Variants in ARL13A observed in about 807,000 individuals in gnomAD.
ARL13A encodes the protein ADP-ribosylation factor-like protein 13A.
A neutral mutation model predicts 19.1 loss-of-function variants in ARL13A; 16 were observed. The ratio of observed to expected loss-of-function variants is 0.84; its 90% confidence interval spans 0.57 to 1.27. The LOEUF is 1.27. ARL13A is among the 50% of genes most tolerant of loss of function. The pLI is 0.00. For synonymous variants in ARL13A, 69 were observed against 71.3 expected (o/e 0.97, Z 0.17); for missense variants, 153 against 186.4 (o/e 0.82, Z 1.04).
At chrX:100,982,399 G>A (rs985133965) in intron 3 of ARL13A, among the ~76,000 whole-genome samples, 3 of 110,668 alleles carry the variant, frequency 2.7e-5, no homozygotes, top group Non-Finnish European at 5.7e-5. Context: ...GGCTGAGGTA[G>A]GAGAATTGCT....
At chrX:100,978,337 ATCTC>A (rs1359457666) in intron 3 of ARL13A, among the ~76,000 whole-genome samples, 4 of 111,064 alleles carry the variant, frequency 3.6e-5, no homozygotes, top group Middle Eastern at 4.6e-3. Context: ...ATTGGGGTCT[ATCTC>A]TCTCTCTTTA....
At chrX:100,973,387 G>A (rs1233610549) in intron 1 of ARL13A, among the ~76,000 whole-genome samples, 1 of 100,550 alleles carries the variant, frequency 9.9e-6, no homozygotes, top group Non-Finnish European at 2.0e-5. Flanking sequence ...CTCGGGCCCC[G>A]CGGGGCCCGT....
rs59915769 is a variant in ARL13A at position 100,977,369 on chromosome X, C to CTTTT, written c.130+3198_130+3201dup. ...GTAGTAATTATCCTTCTACTCTCTT[C>CTTTT]TTTTTTTTTTTTTTTTTTTTTTTTT... On this transcript the variant is annotated intron_variant, in intron 3 of 7. Transcript: ENST00000450049. Among the ~76,000 whole-genome samples the CTTTT allele has an allele frequency of 6.6e-4, 37 of 56,453 alleles. 3 individuals carry two copies. Among genetic ancestry groups the CTTTT allele is most frequent in the African/African-American group, 2.3e-3 (32 of 13,961 alleles). 49.0% of individuals were successfully genotyped at this position (56,453 alleles called of 115,157 possible). A position where few individuals can be genotyped will look rare whatever the true frequency, so the allele number is the denominator to read the frequency against.
At chrX:100,989,562 A>G (rs2085991170) in intron 7 of ARL13A, among the ~76,000 whole-genome samples, 1 of 108,010 alleles carries the variant, frequency 9.3e-6, no homozygotes, top group African/African-American at 3.4e-5. Context: ...GTGAGCCGAG[A>G]TAGCGCCACT....
intron 1 of ARL13A, among the ~76,000 whole-genome samples, chrX:100,972,225 G>A (rs1329162312): frequency 4.2e-5 from 4 of 95,067 alleles, no homozygotes; most frequent in Non-Finnish European, 8.5e-5. Flanking sequence ...ATCCTGGCCC[G>A]TTCTCAATGA....
In ARL13A at chrX:100,988,289, T is replaced by G; in HGVS notation, c.744+6T>G. On this transcript the variant is annotated splice_donor_region_variant and intron_variant, in intron 7 of 7. Coordinates refer to ENST00000450049, the MANE Select transcript of ARL13A (RefSeq NM_001162491.2). ...CTCTAAAGTCAATCCTACAGGTAAA[T>G]GGCCCTTTAAATGTTAATATTCAGT... The G allele has an allele frequency of 7.5e-6, 9 of 1,206,950 alleles. No homozygotes were observed. Among genetic ancestry groups the G allele is most frequent in the Non-Finnish European group, 1.0e-5 (9 of 892,394 alleles).
chrX:100,986,520 T>A (rs572016230), intron 4 of ARL13A, among the ~76,000 whole-genome samples: 1 of 112,221 alleles, frequency 8.9e-6, no homozygotes, highest in South Asian at 3.8e-4. Context: ...GCAATTCTAA[T>A]TAAAGTTTGA....
intron 7 of ARL13A, among the ~76,000 whole-genome samples, chrX:100,989,680 C>G (rs1420598635): frequency 1.8e-5 from 2 of 111,655 alleles, no homozygotes; most frequent in Non-Finnish European, 3.8e-5. Flanking sequence ...CAAAAATAAG[C>G]TATGAGGGCT....
intron 1 of ARL13A, among the ~76,000 whole-genome samples, chrX:100,972,307 C>T (rs1190274634): frequency 2.0e-5 from 2 of 100,568 alleles, no homozygotes; most frequent in Admixed American, 1.0e-4. Flanking sequence ...TAGGGGGGGC[C>T]GGGCAGAGGC....
chrX:100,979,881 T>G (rs1018438511), intron 3 of ARL13A, among the ~76,000 whole-genome samples: 3 of 111,815 alleles, frequency 2.7e-5, no homozygotes, highest in Admixed American at 1.9e-4. Context: ...TTGGGTAAGA[T>G]CTGAGAGAAT....
chrX:100,975,925 C>T (rs753159430), intron 3 of ARL13A, among the ~76,000 whole-genome samples: 109 of 111,083 alleles, frequency 9.8e-4, no homozygotes, highest in Middle Eastern at 9.2e-3. Context: ...TGAGCCACTG[C>T]GCCCGGCGAC....
chrX:100,972,463 G>A (rs1234011914), intron 1 of ARL13A, among the ~76,000 whole-genome samples: 1 of 98,041 alleles, frequency 1.0e-5, no homozygotes, highest in African/African-American at 3.8e-5. Context: ...CCTCCCAGAC[G>A]GGGCGGCTGG....
chrX:100,969,882 T>C (rs1456654166), intron 1 of ARL13A, 73 bp downstream of exon 1: 1 of 112,366 alleles, frequency 8.9e-6, no homozygotes, highest in African/African-American at 3.2e-5. Flanking sequence ...TTGAGGTGAT[T>C]TCACTTCAGG....
chrX:100,983,279 T>G (rs767554837), intron 3 of ARL13A, among the ~76,000 whole-genome samples: 15 of 111,391 alleles, frequency 1.3e-4, no homozygotes, highest in Non-Finnish European at 2.5e-4. Context: ...AAAAATTTTT[T>G]TCTCTGACAG....
In ARL13A at chrX:100,987,561, T is replaced by C. The variant is rs767140390; in HGVS notation, c.653+5T>C. The C allele has an allele frequency of 1.7e-6, 2 of 1,206,795 alleles. No individual in the cohort carries two copies. The highest frequency in any genetic ancestry group is 2.2e-6 in the Non-Finnish European group (2 of 893,148). On this transcript the variant is annotated splice_donor_5th_base_variant and intron_variant, in intron 6 of 7. Transcript: ENST00000450049. ...AGAAAGATGCTCATCACACAGGTAC[T>C]GAGATGCCGCTATGAGATTTGCTGA...
intron 3 of ARL13A, among the ~76,000 whole-genome samples, chrX:100,979,418 T>G (rs1367789224): frequency 8.9e-6 from 1 of 112,076 alleles, no homozygotes; most frequent in Non-Finnish European, 1.9e-5. Context: ...AGGATAAAAG[T>G]TTTTTTCCTT....
At chrX:100,987,651 G>A in intron 6 of ARL13A, 95 bp downstream of exon 6, 1 of 1,001,042 alleles carries the variant, frequency 1.0e-6, no homozygotes, top group South Asian at 2.3e-5. Context: ...CTTGGATCCT[G>A]GGTGGCATTG....
At chrX:100,989,786 C>T (rs1048278032) in intron 7 of ARL13A, among the ~76,000 whole-genome samples, 1 of 111,563 alleles carries the variant, frequency 9.0e-6, no homozygotes, top group Admixed American at 9.6e-5. Flanking sequence ...CATCTCAGCT[C>T]TGAAAGGGAC....
At chrX:100,974,871 T>C (rs1008736015) in intron 3 of ARL13A, among the ~76,000 whole-genome samples, 2 of 111,594 alleles carry the variant, frequency 1.8e-5, no homozygotes, top group African/African-American at 3.3e-5. Flanking sequence ...AATGAAGTAG[T>C]ATGATGACGT....
Sources: gnomAD v4.1 joint callset for allele counts (sites outside exome capture counted in the v4.1 genomes callset) on GRCh38, gnomAD v4.1.1 for gene constraint, MANE v1.5 for transcripts, NCBI Gene and HGNC (gene_info 2026-07-23, HGNC 2026-07-21) for gene names.